Variants in NAV2 observed in about 807,000 individuals in gnomAD.
NAV2 encodes the protein neuron navigator 2.
A neutral mutation model predicts 223.2 loss-of-function variants in NAV2; 54 were observed. The ratio of observed to expected loss-of-function variants is 0.24; its 90% CI spans 0.19 to 0.30. The LOEUF (loss-of-function observed/expected upper bound fraction) is 0.30. Among genes scored for constraint, NAV2 ranks in the 10% least tolerant of loss-of-function variants. The pLI is 1.00. For missense variants in NAV2, 2,806 were observed against 3,147.5 expected (o/e 0.89, Z 2.60); for synonymous variants, 1,279 against 1,239.3 (o/e 1.03, Z -0.67).
chr11:19,623,465 T>C (rs910654225), intron 1 of NAV2, among the ~76,000 whole-genome samples: 4 of 152,196 alleles, frequency 2.6e-5, no homozygotes, highest in Admixed American at 1.3e-4. Context: ...TGTTCCCTTC[T>C]TTTTACTCTT....
chr11:19,659,481 A>G lies in NAV2; in HGVS notation c.76-173003A>G, dbSNP rs139209968. Among the ~76,000 whole-genome samples, 1,023 of 152,284 alleles carry G rather than the reference A, an allele frequency of 6.7e-3. 6 individuals carry two copies. The highest frequency in any genetic ancestry group is 9.3e-3 in the Non-Finnish European group (631 of 68,024). ...GTGCTCTAATTTATGATATTAAAAGATGACTTTGGCTCATGTATAGAAAGT... is the reference window on the plus strand; with the variant it reads ...GTGCTCTAATTTATGATATTAAAAGGTGACTTTGGCTCATGTATAGAAAGT... On this transcript the variant is annotated intron_variant, in intron 1 of 37. Transcript: ENST00000360655.
At chr11:19,436,315 T>C (rs1157899262) in intron 1 of NAV2, among the ~76,000 whole-genome samples, 1 of 152,172 alleles carries the variant, frequency 6.6e-6, no homozygotes, top group African/African-American at 2.4e-5. Context: ...ATCCGAAAAT[T>C]GTTTATTTAA....
rs889405520 is a variant in NAV2 at position 20,045,046 on chromosome 11, A to G, written c.3278A>G (p.Asp1093Gly). Residue 1093 changes from aspartate (D) to glycine (G), a missense_variant, in exon 14 of 38, where the codon GAT (aspartate) becomes GGT (glycine). Transcript: ENST00000349880. The stretch of plus-strand genomic sequence containing the variant: ...TCCCAGGTGAAGCGCTCCCCATCAG[A>G]TGCAGGCCGGAGCAGTGGTGACGAA... ...KASQVKRSPSDAGRSSGDESK... is the reference protein window; with the variant it reads ...KASQVKRSPSGAGRSSGDESK... 6.2e-7 allele frequency: 1 copy of G among 1,614,166 alleles called. No homozygotes were observed. The highest frequency in any genetic ancestry group is 1.3e-5 in the African/African-American group (1 of 75,030).
chr11:20,099,104 C>T (rs559441975), intron 31 of NAV2, among the ~76,000 whole-genome samples: 17 of 152,300 alleles, frequency 1.1e-4, no homozygotes, highest in South Asian at 4.1e-4. Flanking sequence ...AGGATTTGTC[C>T]GAGCCTGGGC....
chr11:19,764,481 A>G (rs1191899832), intron 1 of NAV2, among the ~76,000 whole-genome samples: 1 of 152,218 alleles, frequency 6.6e-6, no homozygotes, highest in Non-Finnish European at 1.5e-5. Flanking sequence ...GTAGACACAG[A>G]TGTATTGTTC....
At chr11:19,936,074 G>A (rs2045877824) in intron 7 of NAV2, among the ~76,000 whole-genome samples, 1 of 144,722 alleles carries the variant, frequency 6.9e-6, no homozygotes, top group African/African-American at 2.6e-5. Context: ...TCACCATGTT[G>A]TCCAGGCTGG....
chr11:20,021,668 C>T (rs1432446897), intron 11 of NAV2, among the ~76,000 whole-genome samples: 2 of 152,190 alleles, frequency 1.3e-5, no homozygotes, highest in Admixed American at 6.5e-5. Flanking sequence ...TACTCCTTCC[C>T]TCAAACTCAC....
At chr11:20,000,154 C>G (rs997912328) in intron 11 of NAV2, among the ~76,000 whole-genome samples, 1 of 152,168 alleles carries the variant, frequency 6.6e-6, no homozygotes, top group Non-Finnish European at 1.5e-5. Context: ...GGATAACTGG[C>G]AAAACCCGAA....
chr11:19,989,155 T>C (rs2051086413), intron 11 of NAV2, among the ~76,000 whole-genome samples: 2 of 152,182 alleles, frequency 1.3e-5, no homozygotes, highest in African/African-American at 2.4e-5. Flanking sequence ...CCTGTGGATA[T>C]GTTAAGTTTC....
intron 1 of NAV2, among the ~76,000 whole-genome samples, chr11:19,770,041 G>GAAAAC (rs1256928072): frequency 6.6e-6 from 1 of 151,614 alleles, no homozygotes; most frequent in Non-Finnish European, 1.5e-5. Flanking sequence ...CACAACCACC[G>GAAAAC]AAAACAAAAC....
chr11:19,786,743 T>C (rs1318285918), intron 1 of NAV2, among the ~76,000 whole-genome samples: 1 of 152,158 alleles, frequency 6.6e-6, no homozygotes, highest in Non-Finnish European at 1.5e-5. Context: ...CTTTCTTCCC[T>C]ACATAGCTCC....
At chr11:19,714,788 G>A (rs1002401334) in intron 1 of NAV2, among the ~76,000 whole-genome samples, 11 of 152,314 alleles carry the variant, frequency 7.2e-5, no homozygotes, top group Admixed American at 1.3e-4. Context: ...AGCCCTGGCC[G>A]TGCAATCTCT....
At chr11:19,714,976 G>A (rs1433564017) in intron 1 of NAV2, among the ~76,000 whole-genome samples, 1 of 152,132 alleles carries the variant, frequency 6.6e-6, no homozygotes, top group Non-Finnish European at 1.5e-5. Flanking sequence ...CCAGAGGGGA[G>A]GTGGTTTGGG....
chr11:19,543,989 G>A lies in NAV2; in HGVS notation c.75+192962G>A, dbSNP rs147596971. Reference sequence around the variant, plus strand: ...TAAACTACTTATTTTGCTCTTCCTGGCCAAAGCTTGTGAATATATACTTAC... The same window carrying A: ...TAAACTACTTATTTTGCTCTTCCTGACCAAAGCTTGTGAATATATACTTAC... On this transcript the variant is annotated intron_variant, in intron 1 of 37. Coordinates refer to the NAV2 transcript ENST00000360655. 5.9e-5 allele frequency among the ~76,000 whole-genome samples: 9 copies of A among 152,202 alleles called. No homozygotes were observed. In the East Asian group the frequency reaches 1.5e-3, roughly 26 times the overall value.
intron 1 of NAV2, among the ~76,000 whole-genome samples, chr11:19,775,138 G>C (rs2152625023): frequency 6.6e-6 from 1 of 152,200 alleles, no homozygotes; most frequent in African/African-American, 2.4e-5. Flanking sequence ...AATAAGATTT[G>C]TCAAGCTTTA....
chr11:20,107,618 A>G, intron 35 of NAV2, 46 bp from the exon 36 acceptor site: 4 of 1,450,090 alleles, frequency 2.8e-6, no homozygotes, highest in Non-Finnish European at 3.9e-6. Context: ...ATGCCCCATC[A>G]CCCATGCCCA....
intron 22 of NAV2, among the ~76,000 whole-genome samples, chr11:20,072,431 C>T (rs1239139293): frequency 6.9e-6 from 1 of 145,832 alleles, no homozygotes; most frequent in Non-Finnish European, 1.5e-5. Flanking sequence ...TTTTTTGGTT[C>T]CATATGAAAT....
intron 11 of NAV2, among the ~76,000 whole-genome samples, chr11:20,020,015 G>A (rs886923242): frequency 2.8e-5 from 4 of 142,398 alleles, no homozygotes; most frequent in African/African-American, 7.6e-5. Context: ...AAAAGTTTTT[G>A]TTTGATTTGA....
At chr11:19,807,416 TA>T (rs2058631372) in intron 1 of NAV2, among the ~76,000 whole-genome samples, 1 of 152,222 alleles carries the variant, frequency 6.6e-6, no homozygotes, top group South Asian at 2.1e-4. Context: ...CCTGTTCTGC[TA>T]AAAGCTGGGC....
Sources: allele counts gnomAD v4.1 joint callset (sites outside exome capture counted in the v4.1 genomes callset), GRCh38; gene constraint gnomAD v4.1.1; transcripts MANE v1.5; gene names NCBI Gene and HGNC (gene_info 2026-07-23, HGNC 2026-07-21).